ESRRG: variants seen among roughly 807,000 people sequenced by gnomAD.
ESRRG encodes estrogen-related receptor gamma.
A neutral mutation model predicts 44.0 loss-of-function variants in ESRRG; 13 were observed. That is an observed-to-expected ratio of 0.30 (90% CI 0.19 to 0.47). The LOEUF is 0.47. ESRRG is among the 20% of genes least tolerant of loss of function. The pLI is 1.00. For missense variants in ESRRG, 395 were observed against 580.6 expected (o/e 0.68, Z 3.29); for synonymous variants, 215 against 214.6 (o/e 1.00, Z -0.02).
chr1:216,901,170 G>C (rs1181817346), intron 2 of ESRRG, among the ~76,000 whole-genome samples: 1 of 151,990 alleles, frequency 6.6e-6, no homozygotes, highest in African/African-American at 2.4e-5. Flanking sequence ...TGTGTGCATG[G>C]GGGGTGGGGG....
rs930591437 is a variant in ESRRG, at chr1:216,867,857, G to A, written c.-14+71725C>T. Among the ~76,000 whole-genome samples, 13 of 151,780 alleles carry A rather than the reference G, an allele frequency of 8.6e-5. No individual in the cohort carries two copies. In the East Asian group the frequency reaches 1.6e-3, roughly 18 times the overall value. On this transcript the variant is annotated intron_variant, in intron 2 of 7. Transcript: ENST00000359162. ...GGTTAATGTAAATATCACAAGAATC[G>A]GGGTACAAAACAATGCCCTGCCCTA... is the stretch of plus-strand genomic sequence containing the variant.
intron 1 of ESRRG, among the ~76,000 whole-genome samples, chr1:217,075,821 A>G (rs2091220785): frequency 6.6e-6 from 1 of 152,306 alleles, no homozygotes; most frequent in Admixed American, 6.5e-5. Flanking sequence ...TTCTAAACAA[A>G]GAGTTTGCCA....
intron 2 of ESRRG, among the ~76,000 whole-genome samples, chr1:216,793,962 T>TC (rs1314814264): frequency 1.2e-5 from 1 of 85,606 alleles, no homozygotes; most frequent in Non-Finnish European, 2.6e-5. Context: ...ACTAAGGATT[T>TC]TTTTTTTTTT....
chr1:216,971,578 T>C (rs2071674361), intron 1 of ESRRG, among the ~76,000 whole-genome samples: 1 of 152,210 alleles, frequency 6.6e-6, no homozygotes, highest in African/African-American at 2.4e-5. Context: ...GAAAAATGTC[T>C]CTGTGATTTG....
chr1:216,915,777 C>A (rs923900845), intron 2 of ESRRG, among the ~76,000 whole-genome samples: 2 of 152,164 alleles, frequency 1.3e-5, no homozygotes, highest in African/African-American at 4.8e-5. Context: ...ATGTCTATTT[C>A]GGCAAATCAG....
intron 2 of ESRRG, among the ~76,000 whole-genome samples, chr1:216,812,807 CAAG>C (rs1576825133): frequency 1.3e-5 from 2 of 152,230 alleles, no homozygotes; most frequent in East Asian, 3.9e-4. Context: ...AATAAACATC[CAAG>C]AAGAACTCAT....
At chr1:216,880,828 A>T (rs1163966933) in intron 2 of ESRRG, among the ~76,000 whole-genome samples, 2 of 152,192 alleles carry the variant, frequency 1.3e-5, no homozygotes. Flanking sequence ...TTATATTAAA[A>T]GTTTTCAATG....
At chr1:216,909,558 T>C (rs1216931951) in intron 2 of ESRRG, among the ~76,000 whole-genome samples, 2 of 152,196 alleles carry the variant, frequency 1.3e-5, no homozygotes, top group Non-Finnish European at 2.9e-5. Context: ...AGTACAGTTG[T>C]ATTTTTAGTT....
intron 5 of ESRRG, among the ~76,000 whole-genome samples, chr1:216,552,760 G>A (rs774474055): frequency 1.3e-5 from 2 of 152,016 alleles, no homozygotes; most frequent in African/African-American, 4.8e-5. Context: ...TCCCAGAATC[G>A]ACTTTTTGGG....
intron 1 of ESRRG, among the ~76,000 whole-genome samples, chr1:217,063,379 T>C (rs11572396): frequency 0.032 from 4,943 of 152,306 alleles, 122 homozygotes; most frequent in Non-Finnish European, 0.045. Flanking sequence ...GCAAACTAGC[T>C]ACATGCTTTG....
At chr1:216,621,842 T>A (rs2062288282) in intron 3 of ESRRG, among the ~76,000 whole-genome samples, 1 of 152,184 alleles carries the variant, frequency 6.6e-6, no homozygotes, top group Non-Finnish European at 1.5e-5. Flanking sequence ...GCCTTAGGAA[T>A]GTTTCTCAAG....
chr1:216,708,553 G>T (rs1202551704), intron 1 of ESRRG, among the ~76,000 whole-genome samples: 1 of 152,104 alleles, frequency 6.6e-6, no homozygotes, highest in South Asian at 2.1e-4. Context: ...GCATTAAAAA[G>T]TCAGGAAACA....
intron 2 of ESRRG, among the ~76,000 whole-genome samples, chr1:216,905,894 G>GA (rs1210592919): frequency 6.6e-6 from 1 of 152,058 alleles, no homozygotes; most frequent in African/African-American, 2.4e-5. Flanking sequence ...GGGACTACAG[G>GA]CACATGCCAC....
At chr1:217,082,473 A>G (rs1327471444) in intron 1 of ESRRG, among the ~76,000 whole-genome samples, 2 of 152,228 alleles carry the variant, frequency 1.3e-5, no homozygotes, top group Admixed American at 1.3e-4. Context: ...TCATACGGCA[A>G]TAAGTGATCC....
intron 2 of ESRRG, among the ~76,000 whole-genome samples, chr1:216,927,422 G>A (rs2062739962): frequency 1.3e-5 from 2 of 152,222 alleles, no homozygotes; most frequent in Non-Finnish European, 2.9e-5. Context: ...TTCTTGGCCT[G>A]AGGGAGCTCT....
intron 3 of ESRRG, among the ~76,000 whole-genome samples, chr1:216,617,503 G>GA (rs5780897): frequency 1.4e-3 from 200 of 138,270 alleles, no homozygotes; most frequent in Admixed American, 2.2e-3. Flanking sequence ...TTGGCCTTTA[G>GA]AAAAAAAAAA....
At chr1:216,842,333 T>C (rs946721137) in intron 2 of ESRRG, among the ~76,000 whole-genome samples, 5 of 152,158 alleles carry the variant, frequency 3.3e-5, no homozygotes, top group African/African-American at 1.2e-4. Context: ...GGAGGTCCGA[T>C]GCAGGTCCGT....
intron 1 of ESRRG, among the ~76,000 whole-genome samples, chr1:216,981,882 T>A (rs1382884386): frequency 6.6e-6 from 1 of 152,218 alleles, no homozygotes; most frequent in Admixed American, 6.5e-5. Flanking sequence ...GTTCTCACCA[T>A]GTCATGGCCT....
chr1:217,091,196 C>G (rs923348691), upstream of ESRRG, among the ~76,000 whole-genome samples: 3 of 152,144 alleles, frequency 2.0e-5, no homozygotes, highest in Admixed American at 6.5e-5. Context: ...TTTCACCGAG[C>G]CTGTAGTTGG....
Sources: gnomAD v4.1 joint callset for allele counts (sites outside exome capture counted in the v4.1 genomes callset) on GRCh38, gnomAD v4.1.1 for gene constraint, MANE v1.5 for transcripts, NCBI Gene and HGNC (gene_info 2026-07-23, HGNC 2026-07-21) for gene names.